Variants in TNKS observed in about 807,000 individuals in gnomAD.
The protein encoded by TNKS is tankyrase, also known as poly [ADP-ribose] polymerase tankyrase-1.
In TNKS, 72 loss-of-function variants were observed where a neutral mutation model predicts 135.8. That is an observed-to-expected ratio of 0.53 (90% CI 0.44 to 0.64). The LOEUF is 0.64. Ranked by LOEUF, TNKS falls within the 30% of genes least tolerant of loss-of-function variation. The pLI is 0.00. For missense variants in TNKS, 1,769 were observed against 1,674.0 expected (o/e 1.06, Z -0.99); for synonymous variants, 849 against 649.3 (o/e 1.31, Z -4.68).
intron 5 of TNKS, among the ~76,000 whole-genome samples, chr8:9,692,217 C>G (rs1416520378): frequency 1.3e-5 from 2 of 152,166 alleles, no homozygotes; most frequent in African/African-American, 4.8e-5. Flanking sequence ...CTCAAGCAGT[C>G]CCCGGTGCCT....
intron 3 of TNKS, among the ~76,000 whole-genome samples, chr8:9,671,432 A>G (rs570853220): frequency 1.3e-5 from 2 of 152,240 alleles, no homozygotes; most frequent in African/African-American, 2.4e-5. Flanking sequence ...AATAAGAAGG[A>G]TCAAAGTACC....
chr8:9,654,920 AC>A (rs1225241463), intron 3 of TNKS, among the ~76,000 whole-genome samples: 2 of 152,152 alleles, frequency 1.3e-5, no homozygotes, highest in African/African-American at 4.8e-5. Flanking sequence ...GGTGCAACGC[AC>A]CATGCGTGAG....
chr8:9,712,589 A>T (rs1804392106), intron 11 of TNKS, among the ~76,000 whole-genome samples: 1 of 152,168 alleles, frequency 6.6e-6, no homozygotes, highest in Non-Finnish European at 1.5e-5. Context: ...TTTCTAGCAT[A>T]AGTAATTAAA....
At chr8:9,567,741 A>C (rs747650323) in intron 1 of TNKS, among the ~76,000 whole-genome samples, 1 of 152,200 alleles carries the variant, frequency 6.6e-6, no homozygotes, top group Non-Finnish European at 1.5e-5. Context: ...TTAAAAGACT[A>C]TATAGAGTTG....
chr8:9,654,979 G>A (rs1248790827), intron 3 of TNKS, among the ~76,000 whole-genome samples: 2 of 152,220 alleles, frequency 1.3e-5, no homozygotes, highest in Non-Finnish European at 2.9e-5. Context: ...CAAGGGGTCA[G>A]GGAATTCCCT....
At chr8:9,650,064 G>C (rs1801086486) in intron 3 of TNKS, among the ~76,000 whole-genome samples, 1 of 151,278 alleles carries the variant, frequency 6.6e-6, no homozygotes, top group Non-Finnish European at 1.5e-5. Flanking sequence ...GGCTAATTTT[G>C]TATTTTTGGT....
At chr8:9,647,237 A>T (rs1800952341) in intron 3 of TNKS, among the ~76,000 whole-genome samples, 1 of 152,192 alleles carries the variant, frequency 6.6e-6, no homozygotes, top group African/African-American at 2.4e-5. Context: ...CTTTTTGCGT[A>T]ATGATTCTGA....
intron 5 of TNKS, among the ~76,000 whole-genome samples, chr8:9,689,879 G>A (rs554637736): frequency 1.3e-5 from 2 of 152,302 alleles, no homozygotes; most frequent in East Asian, 1.9e-4. Flanking sequence ...ATGCCGATCA[G>A]TGCAAGTGGT....
intron 3 of TNKS, among the ~76,000 whole-genome samples, chr8:9,632,295 T>A (rs1475194496): frequency 2.0e-5 from 3 of 152,218 alleles, no homozygotes; most frequent in African/African-American, 7.2e-5. Context: ...TTTTTATTAT[T>A]TGTATTTTGA....
At chr8:9,572,993 A>G (rs1585182368) in intron 1 of TNKS, among the ~76,000 whole-genome samples, 1 of 152,000 alleles carries the variant, frequency 6.6e-6, no homozygotes, top group African/African-American at 2.4e-5. Flanking sequence ...AAGTGGACTG[A>G]TAATACTTAA....
intron 17 of TNKS, chr8:9,740,984 T>G (rs1427085524): frequency 6.6e-6 from 1 of 152,142 alleles, no homozygotes; most frequent in Non-Finnish European, 1.5e-5. Flanking sequence ...TAATTTTTTT[T>G]GTATTTTTAG....
chr8:9,676,064 G>A (rs1802521015), intron 3 of TNKS, among the ~76,000 whole-genome samples: 1 of 147,370 alleles, frequency 6.8e-6, no homozygotes, highest in Non-Finnish European at 1.5e-5. Context: ...CCAGGCTGGA[G>A]TGCAATGGCA....
chr8:9,715,908 G>C (rs183747008), intron 11 of TNKS, among the ~76,000 whole-genome samples: 12 of 152,176 alleles, frequency 7.9e-5, no homozygotes, highest in Admixed American at 7.9e-4. Context: ...CTTTATTATG[G>C]TTAGTCTGCC....
chr8:9,704,653 TC>T lies in TNKS; in HGVS notation c.1108-9del, dbSNP rs1803965212. The T allele has an allele frequency of 6.2e-7, 1 of 1,605,756 alleles. No homozygotes were observed. Among genetic ancestry groups the T allele is most frequent in the Admixed American group, 1.7e-5 (1 of 58,664 alleles). ...TTTTTACCTGAAAAGGGGATGTTTT[TC>T]TTTTCTAGTCGACTCCTTTACATCT... On this transcript the variant is annotated splice_polypyrimidine_tract_variant and intron_variant, in intron 5 of 26. Coordinates refer to ENST00000310430, the MANE Select transcript of TNKS (RefSeq NM_003747.3).
At chr8:9,604,880 A>T (rs916208517) in intron 2 of TNKS, among the ~76,000 whole-genome samples, 6 of 151,322 alleles carry the variant, frequency 4.0e-5, no homozygotes, top group Non-Finnish European at 8.9e-5. Context: ...TCCTCTGTAT[A>T]CTTCAGTACT....
At chr8:9,569,980 TC>T (rs1797696589) in intron 1 of TNKS, among the ~76,000 whole-genome samples, 1 of 152,232 alleles carries the variant, frequency 6.6e-6, no homozygotes, top group Non-Finnish European at 1.5e-5. Flanking sequence ...CTATTGCTTC[TC>T]CTATTCTGAG....
At chr8:9,645,688 CA>C (rs1207483706) in intron 3 of TNKS, among the ~76,000 whole-genome samples, 1 of 152,140 alleles carries the variant, frequency 6.6e-6, no homozygotes, top group African/African-American at 2.4e-5. Flanking sequence ...TTCCAGTTTA[CA>C]ATGAGATTAT....
chr8:9,716,969 C>A (rs1175074370), intron 11 of TNKS, among the ~76,000 whole-genome samples: 1 of 150,304 alleles, frequency 6.7e-6, no homozygotes, highest in Non-Finnish European at 1.5e-5. Flanking sequence ...ATTGGATTGG[C>A]ACCCTCTAGT....
chr8:9,735,010 A>G lies in TNKS; in HGVS notation c.2459A>G (p.Gln820Arg). Reference sequence around the variant, plus strand: ...AAGAAGGGCTGCCTGGCAAGAGTGCAGAAGCTCTGTACCCCAGAGAATATC... The same window carrying G: ...AAGAAGGGCTGCCTGGCAAGAGTGCGGAAGCTCTGTACCCCAGAGAATATC... ...AAKKGCLARVQKLCTPENINC... is the reference protein window; with the variant it reads ...AAKKGCLARVRKLCTPENINC... The change falls in exon 16 of 27, where the codon CAG (glutamine) becomes CGG (arginine). Residue 820 changes from glutamine to arginine, a missense_variant. Around this residue, in one of 5 missense-constraint regions of TNKS, gnomAD observed 722 missense variants for 688.9 expected, o/e 1.05. Coordinates refer to ENST00000310430, the MANE Select transcript of TNKS (RefSeq NM_003747.3). The G allele has an allele frequency of 1.2e-6, 2 of 1,614,228 alleles. No individual in the cohort carries two copies. The highest frequency in any genetic ancestry group is 8.5e-7 in the Non-Finnish European group (1 of 1,180,046).
Sources: allele counts gnomAD v4.1 joint callset (sites outside exome capture counted in the v4.1 genomes callset), GRCh38; gene constraint gnomAD v4.1.1; regional missense constraint gnomAD v4.1.1; transcripts MANE v1.5; gene names NCBI Gene and HGNC (gene_info 2026-07-23, HGNC 2026-07-21).